Variants in SLC12A4 observed in about 807,000 individuals in gnomAD.
SLC12A4 encodes solute carrier family 12 member 4.
In SLC12A4, 84 loss-of-function variants were observed where a neutral mutation model predicts 119.2. The ratio of observed to expected loss-of-function variants is 0.70; its 90% CI spans 0.59 to 0.85. SLC12A4 has a LOEUF of 0.85. Ranked by LOEUF, SLC12A4 falls within the 40% of genes least tolerant of loss-of-function variation. The probability of loss-of-function intolerance (pLI) is 0.00; values close to 1 mark genes in which losing one functional copy is unlikely to be tolerated. For synonymous variants in SLC12A4, 599 were observed against 604.6 expected (o/e 0.99, Z 0.14); for missense variants, 1,298 against 1,476.3 (o/e 0.88, Z 1.98).
chr16:67,964,026 A>C, intron 1 of SLC12A4: 1 of 1,551,080 alleles, frequency 6.4e-7, no homozygotes, highest in Non-Finnish European at 8.7e-7. Flanking sequence ...TTCGGCTGCC[A>C]TGGCCCAAAG....
Position 67,958,032 on chromosome 16 carries a change from C to T in SLC12A4, c.355G>A (p.Gly119Ser). 6.2e-7 allele frequency: 1 copy of T among 1,613,974 alleles called. No homozygotes were observed. Among genetic ancestry groups the T allele is most frequent in the Non-Finnish European group, 8.5e-7 (1 of 1,179,906 alleles). Residue 119 changes from glycine (G) to serine (S), a missense_variant, in exon 4 of 24, where the codon GGC (glycine) becomes AGC (serine). Gly to Ser is a moderately conservative substitution (Grantham distance 56, BLOSUM62 0). Coordinates refer to ENST00000316341, the MANE Select transcript of SLC12A4 (RefSeq NM_005072.5). ...RRRAAEAPSM[G>S]TLMGVYLPCL... ...GGCAGGTACACCCCCATGAGGGTGC[C>T]CATGCTGGGTGCCTATGCGAACACA...
intron 1 of SLC12A4, chr16:67,966,728 C>T (rs2030884317): frequency 1.3e-6 from 2 of 1,551,172 alleles, no homozygotes; most frequent in Admixed American, 2.0e-5. Flanking sequence ...CTTTGCAGTC[C>T]CCACCAAGGA....
chr16:67,958,440 C>A (rs2030392737), intron 3 of SLC12A4, among the ~76,000 whole-genome samples: 1 of 152,148 alleles, frequency 6.6e-6, no homozygotes, highest in Non-Finnish European at 1.5e-5. Context: ...CAACTCTAGT[C>A]CCGGTAGACA....
Position 67,948,066 on chromosome 16 carries a change from A to C in SLC12A4, c.1842T>G (p.Tyr614Ter). The C allele has an allele frequency of 6.2e-7, 1 of 1,613,030 alleles. No homozygotes were observed. Among genetic ancestry groups the C allele is most frequent in the South Asian group, 1.1e-5 (1 of 91,088 alleles). ...GTGTCAGAGGCATGGCTCACCAGTG[A>C]TAGTACTTGAACCGGGGCCGCCAGT... is the stretch of plus-strand genomic sequence containing the variant. ...TPNWRPRFKY[Y>*]HWALSFLGMS... is the part of the protein sequence containing the mutation. The change falls in exon 14 of 24, where the codon TAT (tyrosine) becomes TAG (stop). Residue 614 changes from tyrosine (Y) to a stop codon, truncating the protein, a stop_gained. Transcript: ENST00000316341. LOFTEE classifies it high-confidence loss of function.
In SLC12A4 at chr16:67,944,481, TC is replaced by T. The variant is rs1043465130; in HGVS notation, c.*358del. 8.0e-7 allele frequency: 1 copy of T among 1,245,852 alleles called. No homozygotes were observed. Among genetic ancestry groups the T allele is most frequent in the African/African-American group, 1.5e-5 (1 of 66,082 alleles). The allele number at this position is 1,245,852 out of a possible 1,614,324, so 77.2% of individuals were successfully genotyped here. On this transcript the variant is annotated 3_prime_UTR_variant, in exon 24 of 24. Transcript: ENST00000316341. The surrounding 1 kb of genome is among the most constrained non-coding windows in gnomAD (Gnocchi z 6.6). ...ACTCCCTCCCTGGCTACCCTTCCCT[TC>T]GTCTCTGATGGTGACATCCAAACAA...
intron 6 of SLC12A4, chr16:67,953,976 G>A: frequency 5.7e-6 from 1 of 174,168 alleles, no homozygotes; most frequent in Non-Finnish European, 1.3e-5. Flanking sequence ...GAAGATTCAG[G>A]TGCAGGGTCC....
At chr16:67,966,937 T>G in intron 1 of SLC12A4, 5 of 1,425,666 alleles carry the variant, frequency 3.5e-6, no homozygotes, top group Admixed American at 2.6e-5. Flanking sequence ...GTGGCCAAGG[T>G]GGGGCCAGCA....
intron 14 of SLC12A4, 126 bp downstream of exon 14, chr16:67,947,935 C>T: frequency 1.4e-6 from 2 of 1,456,400 alleles, no homozygotes; most frequent in Non-Finnish European, 1.9e-6. Context: ...TAGGTCCAGT[C>T]CCCCGCAGCC....
chr16:67,952,220 C>T lies in SLC12A4; in HGVS notation c.881G>A (p.Gly294Glu). Residue 294 changes from glycine to glutamate, a missense_variant, in exon 7 of 24, where the codon GGG (glycine) becomes GAG (glutamate). Transcript: ENST00000316341. Reference protein sequence around the residue: ...VIISILSIYAGGIKSIFDPPV... With the variant: ...VIISILSIYAEGIKSIFDPPV... ...AGGGTCAAATATAGACTTTATGCCC[C>T]CAGCATAGATGGAGAGGATGGAGAT... 6.2e-7 allele frequency: 1 copy of T among 1,614,040 alleles called. No homozygotes were observed. Among genetic ancestry groups the T allele is most frequent in the African/African-American group, 1.3e-5 (1 of 74,984 alleles).
At chr16:67,952,451 G>A in intron 6 of SLC12A4, 26 bp from the exon 7 acceptor site, 1 of 1,609,788 alleles carries the variant, frequency 6.2e-7, no homozygotes, top group Non-Finnish European at 8.5e-7. Flanking sequence ...GGATAAGGAG[G>A]GTTTTATTTC....
Position 67,943,534 on chromosome 16 carries a change from T to A in SLC12A4, c.*1306A>T. 1 of 501,874 alleles carries A rather than the reference T, an allele frequency of 2.0e-6. No homozygotes were observed. Among genetic ancestry groups the A allele is most frequent in the Non-Finnish European group, 3.7e-6 (1 of 273,936 alleles). 31.1% of individuals were successfully genotyped at this position (501,874 alleles called of 1,614,324 possible). A position where few individuals can be genotyped will look rare whatever the true frequency, so the allele number is the denominator to read the frequency against. On this transcript the variant is annotated 3_prime_UTR_variant, in exon 24 of 24. Transcript: ENST00000316341. The surrounding 1 kb of genome is among the most constrained non-coding windows in gnomAD (Gnocchi z 4.6). ...GTGGGAACAGATAGGTCTGGGGGCA[T>A]GGGGGCTGGGCCTAATAGGGGCCGG...
chr16:67,960,752 A>G (rs1029523721), intron 3 of SLC12A4, among the ~76,000 whole-genome samples: 1 of 151,808 alleles, frequency 6.6e-6, no homozygotes, highest in East Asian at 1.9e-4. Context: ...CTGAGCCGCA[A>G]TGACACAGAG....
intron 1 of SLC12A4, 115 bp downstream of exon 1, chr16:67,968,324 C>A: frequency 4.3e-6 from 4 of 922,598 alleles, no homozygotes; most frequent in South Asian, 2.1e-5. Context: ...AAAGTTGAGT[C>A]CGCACCGACG....
At chr16:67,963,798 GAGGGCGCAGGCGCC>G in intron 1 of SLC12A4, 1 of 1,244,726 alleles carries the variant, frequency 8.0e-7, no homozygotes. Context: ...GAATCCAGGT[GAGGGCGCAGGCGCC>G]CTAGCACAAG....
chr16:67,961,308 G>A lies in SLC12A4; in HGVS notation c.342+267C>T, dbSNP rs190316697. Reference sequence around the variant, plus strand: ...GAACCCAGGCCTGGTGTGGTACCTCGCACACAGTAAAGGCTGAGTACAGGC... The same window carrying A: ...GAACCCAGGCCTGGTGTGGTACCTCACACACAGTAAAGGCTGAGTACAGGC... On this transcript the variant is annotated intron_variant, in intron 3 of 23. Coordinates refer to ENST00000316341, the MANE Select transcript of SLC12A4 (RefSeq NM_005072.5). 6.6e-5 allele frequency among the ~76,000 whole-genome samples: 10 copies of A among 152,226 alleles called. No individual in the cohort carries two copies. The East Asian group carries it at 1.2e-3, about 18-fold the overall frequency.
At chr16:67,952,738 G>A (rs755701120) in intron 6 of SLC12A4, among the ~76,000 whole-genome samples, 1 of 151,766 alleles carries the variant, frequency 6.6e-6, no homozygotes, top group Non-Finnish European at 1.5e-5. Context: ...GCAGTGAGCA[G>A]AGATCGCACC....
chr16:67,966,894 A>C, intron 1 of SLC12A4: 1 of 1,489,190 alleles, frequency 6.7e-7, no homozygotes, highest in Non-Finnish European at 9.0e-7. Flanking sequence ...ATGTAGCTCC[A>C]GGTCCCTCCA....
Position 67,944,471 on chromosome 16 carries a change from AC to A in SLC12A4, c.*368del. The A allele has an allele frequency of 8.0e-7, 1 of 1,246,460 alleles. No homozygotes were observed. Among genetic ancestry groups the A allele is most frequent in the East Asian group, 3.4e-5 (1 of 29,020 alleles). The allele number at this position is 1,246,460 out of a possible 1,614,324, so 77.2% of individuals were successfully genotyped here. On this transcript the variant is annotated 3_prime_UTR_variant, in exon 24 of 24. Transcript: ENST00000316341. This position sits in a 1 kb window ranked among gnomAD's most constrained non-coding sequence, Gnocchi z 6.6. ...GCTGGGCTGGACTCCCTCCCTGGCT[AC>A]CCTTCCCTTCGTCTCTGATGGTGAC... is the stretch of plus-strand genomic sequence containing the variant.
Position 67,954,772 on chromosome 16 carries a change from A to G in SLC12A4, c.546T>C (p.Ala182=). 1 of 1,614,132 alleles carries G rather than the reference A, an allele frequency of 6.2e-7. No homozygotes were observed. The highest frequency in any genetic ancestry group is 8.5e-7 in the Non-Finnish European group (1 of 1,180,014). ...SAIATNGVVP[A]GGSYFMISRS... is the part of the protein sequence containing the mutation. ...GAGAGATCATGAAATAGGAGCCCCCAGCTACAGCAGAGAAATGAAAGTGTG... is the reference window on the plus strand; with the variant it reads ...GAGAGATCATGAAATAGGAGCCCCCGGCTACAGCAGAGAAATGAAAGTGTG... Residue 182 remains alanine (A), a splice_region_variant and synonymous_variant, in exon 6 of 24, where the codon GCT becomes GCC. Transcript: ENST00000316341.
Sources: gnomAD v4.1 joint callset for allele counts (sites outside exome capture counted in the v4.1 genomes callset) on GRCh38, gnomAD v4.1.1 for gene constraint, Gnocchi (gnomAD v3.1) non-coding constraint, MANE v1.5 for transcripts, NCBI Gene and HGNC (gene_info 2026-07-23, HGNC 2026-07-21) for gene names.